The following ADAMTS6 variants were observed in gnomAD, a reference collection of about 807,000 sequenced individuals.
The protein encoded by ADAMTS6 is A disintegrin and metalloproteinase with thrombospondin motifs 6.
In ADAMTS6, 23 loss-of-function variants were observed where a neutral mutation model predicts 144.3. That is an observed-to-expected ratio of 0.16 (90% CI 0.11 to 0.23). The LOEUF is 0.23. ADAMTS6 is among the 10% of genes least tolerant of loss of function. The pLI is 1.00. For missense variants in ADAMTS6, 999 were observed against 1,379.6 expected (o/e 0.72, Z 4.37); for synonymous variants, 444 against 457.5 (o/e 0.97, Z 0.38).
chr5:65,186,426 C>CT, intron 22 of ADAMTS6, among the ~76,000 whole-genome samples: 1 of 152,270 alleles, frequency 6.6e-6, no homozygotes, highest in South Asian at 2.1e-4. Flanking sequence ...CCCATGGTGC[C>CT]TATCCCAGTA....
chr5:65,247,000 T>C (rs925629974), intron 14 of ADAMTS6, among the ~76,000 whole-genome samples: 1 of 152,174 alleles, frequency 6.6e-6, no homozygotes, highest in Non-Finnish European at 1.5e-5. Context: ...TACTTAAGGA[T>C]AATAAATGCT....
At position 65,197,165 on chromosome 5, in the gene ADAMTS6, G is replaced by T; in HGVS notation, c.2576-14C>A. 1 of 1,612,054 alleles carries T rather than the reference G, an allele frequency of 6.2e-7. No individual in the cohort carries two copies. ...GTCTTTGGACACCTTGAGAAAAGGAGGACATCATTAATTGAAGAGAAGTTT... is the reference window on the plus strand; with the variant it reads ...GTCTTTGGACACCTTGAGAAAAGGATGACATCATTAATTGAAGAGAAGTTT... On this transcript the variant is annotated splice_polypyrimidine_tract_variant and intron_variant, in intron 20 of 24. Transcript: ENST00000381055.
At chr5:65,364,891 A>C (rs576502824) in intron 7 of ADAMTS6, among the ~76,000 whole-genome samples, 2 of 149,840 alleles carry the variant, frequency 1.3e-5, no homozygotes, top group Admixed American at 6.7e-5. Flanking sequence ...CTTACAGGCT[A>C]CTTATTATAG....
intron 7 of ADAMTS6, among the ~76,000 whole-genome samples, chr5:65,354,947 T>A (rs980598412): frequency 1.3e-5 from 2 of 151,880 alleles, no homozygotes; most frequent in African/African-American, 4.8e-5. Context: ...GTGGCAACTA[T>A]GAAGGCATAT....
intron 12 of ADAMTS6, among the ~76,000 whole-genome samples, chr5:65,270,773 T>C (rs917092253): frequency 6.6e-6 from 1 of 152,184 alleles, no homozygotes; most frequent in Non-Finnish European, 1.5e-5. Context: ...TGAATATAAA[T>C]GACCCCTTGA....
chr5:65,415,100 T>C (rs866958737), intron 7 of ADAMTS6, among the ~76,000 whole-genome samples: 1 of 152,176 alleles, frequency 6.6e-6, no homozygotes. Flanking sequence ...AAGTCTAATA[T>C]TCAAATTTAT....
At chr5:65,228,683 T>C (rs1757906717) in intron 15 of ADAMTS6, among the ~76,000 whole-genome samples, 2 of 152,206 alleles carry the variant, frequency 1.3e-5, no homozygotes, top group South Asian at 4.1e-4. Context: ...CACAGCTCAG[T>C]GAAAAGAGAG....
intron 24 of ADAMTS6, among the ~76,000 whole-genome samples, chr5:65,155,123 C>T (rs564720374): frequency 6.6e-6 from 1 of 152,306 alleles, no homozygotes; most frequent in African/African-American, 2.4e-5. Flanking sequence ...CCAACCACGA[C>T]TCATCTTTTA....
chr5:65,211,250 A>T (rs1466620123), intron 20 of ADAMTS6, among the ~76,000 whole-genome samples: 1 of 152,210 alleles, frequency 6.6e-6, no homozygotes, highest in Non-Finnish European at 1.5e-5. Context: ...TAAGAAGAGC[A>T]ACTTCAACAA....
intron 10 of ADAMTS6, among the ~76,000 whole-genome samples, chr5:65,293,832 C>T (rs1742559555): frequency 1.3e-5 from 2 of 152,062 alleles, no homozygotes; most frequent in African/African-American, 4.8e-5. Context: ...CTGGAAGCAC[C>T]TATTGCTTTG....
At chr5:65,181,047 A>G (rs2112135480) in intron 22 of ADAMTS6, among the ~76,000 whole-genome samples, 1 of 152,342 alleles carries the variant, frequency 6.6e-6, no homozygotes, top group African/African-American at 2.4e-5. Flanking sequence ...TGTTTTTAAA[A>G]TGAGAAAACA....
intron 7 of ADAMTS6, among the ~76,000 whole-genome samples, chr5:65,434,171 C>T (rs79522664): frequency 0.016 from 2,473 of 152,166 alleles, 24 homozygotes; most frequent in Middle Eastern, 0.041. Context: ...TTTATGATTC[C>T]ATTTATATGA....
chr5:65,189,594 T>C (rs1290316893), intron 21 of ADAMTS6, among the ~76,000 whole-genome samples: 2 of 152,194 alleles, frequency 1.3e-5, no homozygotes, highest in Admixed American at 6.5e-5. Context: ...CCAGCTCAAG[T>C]TGAAGTTTTG....
chr5:65,341,045 G>A (rs1220913437), intron 7 of ADAMTS6, among the ~76,000 whole-genome samples: 1 of 151,834 alleles, frequency 6.6e-6, no homozygotes, highest in Non-Finnish European at 1.5e-5. Flanking sequence ...AACATCAGAT[G>A]TTCAAGAAGA....
At chr5:65,241,389 C>A (rs771320495) in intron 15 of ADAMTS6, among the ~76,000 whole-genome samples, 1 of 151,838 alleles carries the variant, frequency 6.6e-6, no homozygotes, top group Non-Finnish European at 1.5e-5. Flanking sequence ...TGCCACCATG[C>A]CCGGCTAATT....
At chr5:65,381,557 T>G (rs111993362) in intron 7 of ADAMTS6, among the ~76,000 whole-genome samples, 6 of 124,866 alleles carry the variant, frequency 4.8e-5, no homozygotes, top group Non-Finnish European at 5.2e-5. Flanking sequence ...TTTTTTTTTT[T>G]GTAATTTTAG....
intron 9 of ADAMTS6, among the ~76,000 whole-genome samples, chr5:65,318,398 G>T (rs1745224599): frequency 6.6e-6 from 1 of 152,090 alleles, no homozygotes; most frequent in Non-Finnish European, 1.5e-5. Context: ...CAAAATAAAA[G>T]AAATCATGTT....
intron 6 of ADAMTS6, 43 bp downstream of exon 6, chr5:65,452,090 C>A: frequency 1.7e-6 from 2 of 1,201,862 alleles, no homozygotes; most frequent in Admixed American, 2.1e-5. Flanking sequence ...GCTCTATAGC[C>A]TTCTGTTAAC....
chr5:65,387,245 G>A (rs188218601), intron 7 of ADAMTS6, among the ~76,000 whole-genome samples: 2 of 152,236 alleles, frequency 1.3e-5, no homozygotes, highest in East Asian at 3.9e-4. Flanking sequence ...AATTACCCAT[G>A]AGTGCAAATA....
Sources: gnomAD v4.1 joint callset for allele counts (sites outside exome capture counted in the v4.1 genomes callset) on GRCh38, gnomAD v4.1.1 for gene constraint, MANE v1.5 for transcripts, NCBI Gene and HGNC (gene_info 2026-07-23, HGNC 2026-07-21) for gene names.